Variants in CDH8 observed in about 807,000 individuals in gnomAD.
The protein encoded by CDH8 is cadherin 8.
In CDH8, 17 loss-of-function variants were observed where a neutral mutation model predicts 68.1. The ratio of observed to expected loss-of-function variants is 0.25; its 90% CI spans 0.17 to 0.37. CDH8 has a LOEUF of 0.37. CDH8 is among the 10% of genes least tolerant of loss of function. The pLI, the probability that CDH8 is intolerant of heterozygous loss-of-function variation, is 1.00. For synonymous variants in CDH8, 372 were observed against 365.1 expected (o/e 1.02, Z -0.21); for missense variants, 763 against 999.3 (o/e 0.76, Z 3.19).
intron 3 of CDH8, among the ~76,000 whole-genome samples, chr16:61,899,690 T>G (rs1963932712): frequency 6.6e-6 from 1 of 152,226 alleles, no homozygotes; most frequent in East Asian, 1.9e-4. Context: ...ACAGATCAAG[T>G]CAAGGAGAAC....
chr16:61,980,426 T>C (rs1489935755), intron 2 of CDH8, among the ~76,000 whole-genome samples: 1 of 152,198 alleles, frequency 6.6e-6, no homozygotes, highest in African/African-American at 2.4e-5. Flanking sequence ...TTTTTTCATA[T>C]ATAAAATTCA....
rs182955126 is a variant in CDH8 at position 61,873,682 on chromosome 16, A to C, written c.548-16444T>G. ...TCCTGAGCTAGTGATATGTGATATAACTCTGTTTTTCAATGCTGGGCTGAG... is the reference window on the plus strand; with the variant it reads ...TCCTGAGCTAGTGATATGTGATATACCTCTGTTTTTCAATGCTGGGCTGAG... On this transcript the variant is annotated intron_variant, in intron 3 of 11. Transcript: ENST00000577390. Among the ~76,000 whole-genome samples the C allele has an allele frequency of 4.1e-4, 62 of 152,116 alleles. No homozygotes were observed. In the East Asian group the frequency reaches 0.01, roughly 25 times the overall value.
At chr16:61,989,395 A>G (rs971530489) in intron 2 of CDH8, among the ~76,000 whole-genome samples, 3 of 152,212 alleles carry the variant, frequency 2.0e-5, no homozygotes, top group African/African-American at 7.2e-5. Flanking sequence ...TTGGGCAGCC[A>G]GTTTTGAGAA....
chr16:61,972,571 G>GGGGGTGT (rs369833002), intron 2 of CDH8, among the ~76,000 whole-genome samples: 64 of 131,548 alleles, frequency 4.9e-4, no homozygotes, highest in Middle Eastern at 7.5e-3. Flanking sequence ...ACACATTGTG[G>GGGGGTGT]GTGTGTGTGT....
chr16:61,994,992 G>A (rs1965785879), intron 2 of CDH8, among the ~76,000 whole-genome samples: 1 of 152,174 alleles, frequency 6.6e-6, no homozygotes, highest in Admixed American at 6.6e-5. Context: ...CTGCCTGAAA[G>A]TTAACTCTAA....
rs1394000457 is a variant in CDH8, at chr16:61,709,774, T to A, written c.1654+4067A>T. On this transcript the variant is annotated intron_variant, in intron 10 of 11. Transcript: ENST00000577390. ...TCATATTCAAAACCATATGCAGGAATCCTGCAGCTATTTCTGTGGCTGATA... is the reference window on the plus strand; with the variant it reads ...TCATATTCAAAACCATATGCAGGAAACCTGCAGCTATTTCTGTGGCTGATA... Among the ~76,000 whole-genome samples, 3 of 152,112 alleles carry A rather than the reference T, an allele frequency of 2.0e-5. No individual in the cohort carries two copies. In the East Asian group the frequency reaches 5.8e-4, roughly 29 times the overall value.
chr16:61,863,219 C>T (rs899766903), intron 3 of CDH8, among the ~76,000 whole-genome samples: 3 of 151,924 alleles, frequency 2.0e-5, no homozygotes, highest in African/African-American at 7.3e-5. Context: ...TGAAATTTGC[C>T]AATGTGCTGC....
intron 8 of CDH8, among the ~76,000 whole-genome samples, chr16:61,755,382 T>G (rs906606826): frequency 6.6e-6 from 1 of 152,174 alleles, no homozygotes; most frequent in Non-Finnish European, 1.5e-5. Context: ...TATCCACATC[T>G]TTATATATTT....
At chr16:61,690,170 T>C (rs986883794) in intron 10 of CDH8, among the ~76,000 whole-genome samples, 1 of 152,100 alleles carries the variant, frequency 6.6e-6, no homozygotes, top group African/African-American at 2.4e-5. Flanking sequence ...TGAAGCTGCC[T>C]GGGTCAAGAG....
chr16:61,917,134 TAGG>T (rs982186961), intron 2 of CDH8, among the ~76,000 whole-genome samples: 11 of 145,618 alleles, frequency 7.6e-5, no homozygotes, highest in Non-Finnish European at 1.4e-4. Flanking sequence ...AAGTTGGGAG[TAGG>T]AGGAGAGAAC....
intron 2 of CDH8, among the ~76,000 whole-genome samples, chr16:61,972,568 GT>G (rs1567551711): frequency 5.5e-5 from 5 of 91,198 alleles, no homozygotes; most frequent in African/African-American, 1.4e-4. Flanking sequence ...GGAACACATT[GT>G]GGGTGTGTGT....
In CDH8 at chr16:61,978,538, CT is replaced by C. The variant is rs202039043; in HGVS notation, c.252+42613del. 7.2e-3 allele frequency among the ~76,000 whole-genome samples: 1,097 copies of C among 152,046 alleles called. 9 individuals are homozygous for C. Among genetic ancestry groups the C allele is most frequent in the African/African-American group, 0.024 (1,005 of 41,464 alleles). ...GTAATGAGTCACATCCTATCAAATT[CT>C]TTTTTTTCCTTCATGGTAAATTTAA... On this transcript the variant is annotated intron_variant, in intron 2 of 11. Coordinates refer to ENST00000577390, the MANE Select transcript of CDH8 (RefSeq NM_001796.5).
At chr16:61,733,048 T>C (rs1265624564) in intron 8 of CDH8, among the ~76,000 whole-genome samples, 1 of 151,852 alleles carries the variant, frequency 6.6e-6, no homozygotes, top group Non-Finnish European at 1.5e-5. Context: ...CACAATATTA[T>C]ATAAAGTAAT....
At chr16:61,733,150 T>A (rs576191790) in intron 8 of CDH8, among the ~76,000 whole-genome samples, 1 of 151,960 alleles carries the variant, frequency 6.6e-6, no homozygotes, top group East Asian at 1.9e-4. Flanking sequence ...GCAATAGAAC[T>A]ATATAGGAGT....
chr16:61,655,775 A>C, intron 10 of CDH8, 54 bp from the exon 11 acceptor site: 1 of 1,518,524 alleles, frequency 6.6e-7, no homozygotes. Context: ...GACTCTCCAA[A>C]TAACACTTGT....
chr16:61,857,264 A>G, intron 3 of CDH8, 26 bp from the exon 4 acceptor site: 7 of 1,597,358 alleles, frequency 4.4e-6, no homozygotes, highest in South Asian at 1.1e-5. Context: ...AAGAAAAAAG[A>G]TAATAATTAA....
intron 4 of CDH8, among the ~76,000 whole-genome samples, chr16:61,855,890 G>A (rs1373965162): frequency 3.3e-5 from 5 of 152,090 alleles, no homozygotes; most frequent in Admixed American, 1.3e-4. Context: ...GGACCCAAAT[G>A]AGAAAAAGTT....
At chr16:61,848,479 A>G (rs994668847) in intron 4 of CDH8, among the ~76,000 whole-genome samples, 1 of 152,142 alleles carries the variant, frequency 6.6e-6, no homozygotes, top group Non-Finnish European at 1.5e-5. Flanking sequence ...TTACCCAAGT[A>G]TATTTAACTG....
At chr16:61,842,837 T>C (rs952823427) in intron 4 of CDH8, among the ~76,000 whole-genome samples, 2 of 152,116 alleles carry the variant, frequency 1.3e-5, no homozygotes, top group Non-Finnish European at 2.9e-5. Flanking sequence ...TTATTTTCGC[T>C]CTTACATAAA....
Sources: gnomAD v4.1 joint callset for allele counts (sites outside exome capture counted in the v4.1 genomes callset) on GRCh38, gnomAD v4.1.1 for gene constraint, MANE v1.5 for transcripts, NCBI Gene and HGNC (gene_info 2026-07-23, HGNC 2026-07-21) for gene names.